Variants in ITGA1 observed in about 807,000 individuals in gnomAD.
The protein encoded by ITGA1 is integrin subunit alpha 1.
In ITGA1, 85 loss-of-function variants were observed where a neutral mutation model predicts 145.9. The observed-to-expected ratio is 0.58, with a 90% CI of 0.49 to 0.70. ITGA1 has a LOEUF of 0.70. Ranked by LOEUF, ITGA1 falls within the 30% of genes least tolerant of loss-of-function variation. The probability of loss-of-function intolerance (pLI) is 0.00; values close to 1 mark genes in which losing one functional copy is unlikely to be tolerated. For missense variants in ITGA1, 1,351 were observed against 1,418.7 expected, an observed-to-expected ratio of 0.95 and a Z score of 0.77; for synonymous variants, 520 against 495.3, an observed-to-expected ratio of 1.05 and a Z score of -0.66.
At chr5:52,817,793 T>C (rs994567952) in intron 1 of ITGA1, among the ~76,000 whole-genome samples, 2 of 152,268 alleles carry the variant, frequency 1.3e-5, no homozygotes, top group African/African-American at 4.8e-5. Flanking sequence ...TCTTTGCATA[T>C]GCAAATTATA....
In ITGA1 at chr5:52,937,509, T is replaced by C; in HGVS notation, c.3073T>C (p.Ser1025Pro). 1 of 1,584,154 alleles carries C rather than the reference T, an allele frequency of 6.3e-7. No individual in the cohort carries two copies. Among genetic ancestry groups the C allele is most frequent in the Non-Finnish European group, 8.7e-7 (1 of 1,153,050 alleles). ...PVLYPTGLSS[S>P]ENANCRPHIF... ...GCTGTACCCAACTGGATTGTCATCT[T>C]CTGAGGTAAGTCATGTGTGCCTTGG... Residue 1025 changes from serine (S) to proline (P), a missense_variant, in exon 24 of 29, where the codon TCT (serine) becomes CCT (proline). Ser to Pro is a moderately conservative substitution (Grantham distance 74). Coordinates refer to ENST00000282588, the MANE Select transcript of ITGA1 (RefSeq NM_181501.2).
At chr5:52,915,812 T>C (rs560360619) in intron 15 of ITGA1, among the ~76,000 whole-genome samples, 1 of 152,200 alleles carries the variant, frequency 6.6e-6, no homozygotes, top group Non-Finnish European at 1.5e-5. Context: ...ATTTGGTGTG[T>C]CTATTATGTG....
At chr5:52,934,191 A>G (rs910084232) in intron 23 of ITGA1, among the ~76,000 whole-genome samples, 195 bp downstream of exon 23, 4 of 150,768 alleles carry the variant, frequency 2.7e-5, no homozygotes, top group Non-Finnish European at 5.9e-5. Context: ...ATTTTTCTTT[A>G]TAATTTCACT....
At chr5:52,888,110 T>C (rs1012183743) in intron 8 of ITGA1, 145 bp downstream of exon 8, 2 of 730,726 alleles carry the variant, frequency 2.7e-6, no homozygotes, top group Non-Finnish European at 4.2e-6. Context: ...AGGACAGACT[T>C]GGATCTTGCT....
chr5:52,846,167 A>C (rs1324602366), intron 1 of ITGA1, among the ~76,000 whole-genome samples: 4 of 152,120 alleles, frequency 2.6e-5, no homozygotes, highest in Non-Finnish European at 5.9e-5. Flanking sequence ...TCTGGAGGCC[A>C]AGGCAGGTAG....
intron 1 of ITGA1, among the ~76,000 whole-genome samples, chr5:52,830,844 TC>T (rs1749050635): frequency 6.6e-6 from 1 of 152,126 alleles, no homozygotes; most frequent in African/African-American, 2.4e-5. Flanking sequence ...AACTGGGACC[TC>T]CCTCAGCTCT....
intron 14 of ITGA1, among the ~76,000 whole-genome samples, chr5:52,911,726 TA>T (rs1579714984): frequency 2.2e-5 from 3 of 138,230 alleles, no homozygotes; most frequent in Admixed American, 7.6e-5. Context: ...ACTATACATA[TA>T]GTGTATCTAC....
In ITGA1 at chr5:52,915,612, A is replaced by T. The variant is rs757747385; in HGVS notation, c.1988+18A>T. 3.7e-5 allele frequency: 59 copies of T among 1,612,474 alleles called. No individual in the cohort carries two copies. Among genetic ancestry groups the T allele is most frequent in the Non-Finnish European group, 4.4e-5 (52 of 1,179,406 alleles). ...CTCTTCTGGTATGTATTTTAATAAC[A>T]TCCTGTTAATCTGAGACTGGGTCAC... On this transcript the variant is annotated intron_variant, in intron 15 of 28. Coordinates refer to ENST00000282588, the MANE Select transcript of ITGA1 (RefSeq NM_181501.2).
At chr5:52,797,993 C>T (rs1748377792) in intron 1 of ITGA1, among the ~76,000 whole-genome samples, 1 of 152,224 alleles carries the variant, frequency 6.6e-6, no homozygotes, top group South Asian at 2.1e-4. Context: ...TCAAGGAGCA[C>T]TTCAAAGCCC....
At chr5:52,847,293 C>T (rs555923434) in intron 1 of ITGA1, among the ~76,000 whole-genome samples, 1 of 151,552 alleles carries the variant, frequency 6.6e-6, no homozygotes, top group South Asian at 2.1e-4. Flanking sequence ...TTACTATTGT[C>T]GCCAAAATTT....
intron 14 of ITGA1, among the ~76,000 whole-genome samples, chr5:52,912,465 T>G (rs1414027143): frequency 3.5e-5 from 5 of 144,114 alleles, no homozygotes; most frequent in African/African-American, 1.0e-4. Context: ...AGGTATTATA[T>G]ATAGTGTATC....
At chr5:52,823,246 C>G (rs1366011527) in intron 1 of ITGA1, among the ~76,000 whole-genome samples, 1 of 152,102 alleles carries the variant, frequency 6.6e-6, no homozygotes, top group Non-Finnish European at 1.5e-5. Flanking sequence ...GCTCTGTTGC[C>G]CAGGCTGGAG....
chr5:52,949,601 C>T (rs780897627), intron 28 of ITGA1, among the ~76,000 whole-genome samples: 1 of 152,112 alleles, frequency 6.6e-6, no homozygotes, highest in Non-Finnish European at 1.5e-5. Context: ...CCTACTGCTG[C>T]AGGCTATAGG....
At chr5:52,833,583 T>A (rs1476402873) in intron 1 of ITGA1, among the ~76,000 whole-genome samples, 1 of 152,166 alleles carries the variant, frequency 6.6e-6, no homozygotes, top group Non-Finnish European at 1.5e-5. Flanking sequence ...GAGTTAAGAG[T>A]TTTCTGAAAG....
At chr5:52,910,131 T>A (rs1157194417) in intron 13 of ITGA1, 31 bp from the exon 14 acceptor site, 10 of 1,583,740 alleles carry the variant, frequency 6.3e-6, no homozygotes, top group Non-Finnish European at 8.6e-6. Context: ...ATGATGGAAA[T>A]ACATAAATAT....
intron 1 of ITGA1, among the ~76,000 whole-genome samples, chr5:52,821,140 C>T (rs560767429): frequency 1.3e-5 from 2 of 152,088 alleles, no homozygotes; most frequent in Non-Finnish European, 1.5e-5. Context: ...GATAAAGGCA[C>T]GTTTATATAT....
intron 1 of ITGA1, among the ~76,000 whole-genome samples, chr5:52,819,968 T>G (rs1465114786): frequency 4.6e-5 from 7 of 152,132 alleles, no homozygotes; most frequent in Non-Finnish European, 1.0e-4. Context: ...ATATGTGGCA[T>G]TATTTCTGAG....
At chr5:52,825,222 G>A (rs1748941182) in intron 1 of ITGA1, 2 of 152,086 alleles carry the variant, frequency 1.3e-5, no homozygotes, top group Non-Finnish European at 2.9e-5. Context: ...TTTTGTGTCT[G>A]GCTTCTTTCA....
chr5:52,834,690 G>A (rs918450991), intron 1 of ITGA1, among the ~76,000 whole-genome samples: 7 of 150,946 alleles, frequency 4.6e-5, no homozygotes, highest in African/African-American at 7.3e-5. Flanking sequence ...AAAGAAAGAA[G>A]GGGAAGGAAG....
Sources: gnomAD v4.1 joint callset for allele counts (sites outside exome capture counted in the v4.1 genomes callset) on GRCh38, gnomAD v4.1.1 for gene constraint, MANE v1.5 for transcripts, NCBI Gene and HGNC (gene_info 2026-07-23, HGNC 2026-07-21) for gene names.